CACNA1I: variants seen among roughly 807,000 people sequenced by gnomAD.
The protein encoded by CACNA1I is voltage-dependent T-type calcium channel subunit alpha-1I.
CACNA1I carries 74 observed loss-of-function variants against 201.6 expected under a neutral mutation model. The observed-to-expected ratio is 0.37, with a 90% confidence interval of 0.30 to 0.45. The LOEUF (loss-of-function observed/expected upper bound fraction) is 0.45, where lower values mean the gene tolerates loss of function less well. CACNA1I is among the 20% of genes least tolerant of loss of function. The probability of loss-of-function intolerance (pLI) is 1.00; values close to 1 mark genes in which losing one functional copy is unlikely to be tolerated. For missense variants in CACNA1I, 2,346 were observed against 3,138.1 expected, an observed-to-expected ratio of 0.75 and a Z score of 6.03; for synonymous variants, 1,431 against 1,345.2, an observed-to-expected ratio of 1.06 and a Z score of -1.40.
chr22:39,623,810 A>C (rs1413336841), intron 4 of CACNA1I, among the ~76,000 whole-genome samples: 1 of 128,130 alleles, frequency 7.8e-6, no homozygotes, highest in Non-Finnish European at 1.6e-5. Context: ...AAGGGTGTGT[A>C]CGTGTCAAGA....
intron 2 of CACNA1I, among the ~76,000 whole-genome samples, chr22:39,600,080 T>C (rs1047257626): frequency 5.3e-5 from 8 of 152,162 alleles, no homozygotes; most frequent in Non-Finnish European, 1.0e-4. Flanking sequence ...GTGGGGCAAG[T>C]TGCTTAACCT....
At position 39,648,123 on chromosome 22, in the gene CACNA1I, G is replaced by A. The variant is rs1274505846; in HGVS notation, c.1567+197G>A. The stretch of plus-strand genomic sequence containing the variant: ...TCCACGGCGGGAGTCAGCCACCCCA[G>A]GCCCTGCTCTGGAAAGCCCTGTCCT... On this transcript the variant is annotated intron_variant, in intron 9 of 36. Coordinates refer to ENST00000402142, the MANE Select transcript of CACNA1I (RefSeq NM_021096.4). The surrounding 1 kb of genome is among the most constrained non-coding windows in gnomAD (Gnocchi z 5.4). 6.6e-6 allele frequency among the ~76,000 whole-genome samples: 1 copy of A among 152,160 alleles called. No homozygotes were observed. Among genetic ancestry groups the A allele is most frequent in the African/African-American group, 2.4e-5 (1 of 41,442 alleles).
chr22:39,672,887 G>A, intron 27 of CACNA1I, 62 bp from the exon 28 acceptor site: 5 of 1,538,542 alleles, frequency 3.2e-6, no homozygotes, highest in Admixed American at 2.0e-5. Flanking sequence ...CCACTAAGGT[G>A]TGTCTGAACC....
rs66465962 is a variant in CACNA1I at position 39,686,609 on chromosome 22, CATAT to C, written c.*217_*220del. ...GTGGCCCTTCCAGTGCATATACATA[CATAT>C]ATATATATATATGCATATATATATA... On this transcript the variant is annotated 3_prime_UTR_variant, in exon 37 of 37. Transcript: ENST00000402142. 9.6e-5 allele frequency: 13 copies of C among 135,846 alleles called. No homozygotes were observed. The highest frequency in any genetic ancestry group is 2.3e-4 in the East Asian group (1 of 4,392). 8.4% of individuals were successfully genotyped at this position (135,846 alleles called of 1,614,324 possible).
intron 5 of CACNA1I, among the ~76,000 whole-genome samples, chr22:39,635,549 G>A: frequency 6.6e-6 from 1 of 152,200 alleles, no homozygotes; most frequent in East Asian, 1.9e-4. Flanking sequence ...TGAAAGTTGG[G>A]TAGGAACTGG....
chr22:39,650,056 T>A, intron 10 of CACNA1I, 131 bp downstream of exon 10: 3 of 973,096 alleles, frequency 3.1e-6, no homozygotes, highest in Middle Eastern at 5.6e-4. Context: ...CGGGCTGAGC[T>A]GGGTCCAGTT....
intron 1 of CACNA1I, among the ~76,000 whole-genome samples, chr22:39,594,057 ATGGGCAGAGACAGGCCG>A (rs1281287304): frequency 6.6e-6 from 1 of 152,130 alleles, no homozygotes; most frequent in East Asian, 1.9e-4. Flanking sequence ...GAGGAGAGCC[ATGGGCAGAGACAGGCCG>A]TACTTCACAG....
At chr22:39,680,612 G>A (rs558503171) in intron 33 of CACNA1I, among the ~76,000 whole-genome samples, 1 of 152,264 alleles carries the variant, frequency 6.6e-6, no homozygotes, top group Non-Finnish European at 1.5e-5. Context: ...CAGTCTTGAC[G>A]GGCACTTGGT....
At position 39,657,188 on chromosome 22, in the gene CACNA1I, G is replaced by A. The variant is rs374863328; in HGVS notation, c.1993-964G>A. Among the ~76,000 whole-genome samples the A allele has an allele frequency of 3.3e-5, 5 of 152,298 alleles. No homozygotes were observed. In the East Asian group the frequency reaches 5.8e-4, roughly 18 times the overall value. ...CGTGGCCTCTAGTGTGGCCTGCTTT[G>A]AACACTGGGGTTCTTTGAACAATGC... On this transcript the variant is annotated intron_variant, in intron 10 of 36. Coordinates refer to ENST00000402142, the MANE Select transcript of CACNA1I (RefSeq NM_021096.4).
At chr22:39,582,798 A>C in intron 1 of CACNA1I, among the ~76,000 whole-genome samples, 2 of 97,486 alleles carry the variant, frequency 2.1e-5, no homozygotes, top group Non-Finnish European at 4.0e-5. Flanking sequence ...TCCCCCATAC[A>C]CTCACTCACC....
Position 39,663,826 on chromosome 22 carries a change from C to T in CACNA1I, c.3582C>T (p.Ile1194=), listed in dbSNP as rs921389942. 17 of 1,613,362 alleles carry T rather than the reference C, an allele frequency of 1.1e-5. No homozygotes were observed. The highest frequency in any genetic ancestry group is 1.4e-5 in the Non-Finnish European group (16 of 1,179,688). ...CITIALERPQ[I]EAGSTERIFL... is the part of the protein sequence containing the mutation. ...CCATCGCCCTGGAGCGGCCTCAGAT[C>T]GAGGCCGGCAGCACCGTGAGTGGCT... is the stretch of plus-strand genomic sequence containing the variant. The change falls in exon 19 of 37, where the codon ATC becomes ATT. Residue 1194 remains isoleucine (I), a synonymous_variant. Coordinates refer to ENST00000402142, the MANE Select transcript of CACNA1I (RefSeq NM_021096.4).
intron 20 of CACNA1I, 120 bp downstream of exon 20, chr22:39,664,279 T>A: frequency 1.2e-6 from 1 of 806,982 alleles, no homozygotes; most frequent in Non-Finnish European, 2.0e-6. Flanking sequence ...CGTAGCCCCA[T>A]GGCCCACCCC....
intron 17 of CACNA1I, 52 bp downstream of exon 17, chr22:39,662,487 G>T: frequency 1.5e-6 from 2 of 1,299,342 alleles, no homozygotes; most frequent in South Asian, 1.6e-5. Flanking sequence ...TAGGACAGAA[G>T]TGGGTGCGGC....
intron 3 of CACNA1I, among the ~76,000 whole-genome samples, chr22:39,617,595 CA>C (rs1933581523): frequency 6.6e-6 from 1 of 152,140 alleles, no homozygotes; most frequent in African/African-American, 2.4e-5. Context: ...GCCACCCCCG[CA>C]GCCCCTCCAT....
chr22:39,595,324 A>G (rs1932868748), intron 1 of CACNA1I, among the ~76,000 whole-genome samples: 1 of 151,376 alleles, frequency 6.6e-6, no homozygotes, highest in Non-Finnish European at 1.5e-5. Context: ...TAAAAAATAA[A>G]ATAAAATAAA....
At position 39,649,477 on chromosome 22, in the gene CACNA1I, A is replaced by C; in HGVS notation, c.1568-24A>C. 6.5e-7 allele frequency: 1 copy of C among 1,546,106 alleles called. No individual in the cohort carries two copies. Among genetic ancestry groups the C allele is most frequent in the Non-Finnish European group, 8.7e-7 (1 of 1,145,676 alleles). ...TGGGCCTGGTGTGGGCAACGACTCT[A>C]TGCCCCTCTCATTTGCTTTTCAGAG... is the stretch of plus-strand genomic sequence containing the variant. On this transcript the variant is annotated intron_variant, in intron 9 of 36. Coordinates refer to ENST00000402142, the MANE Select transcript of CACNA1I (RefSeq NM_021096.4). This position sits in a 1 kb window ranked among gnomAD's most constrained non-coding sequence, Gnocchi z 7.3.
At chr22:39,577,987 A>T (rs984766430) in intron 1 of CACNA1I, among the ~76,000 whole-genome samples, 1 of 152,220 alleles carries the variant, frequency 6.6e-6, no homozygotes, top group African/African-American at 2.4e-5. Flanking sequence ...TGGGGCAAGC[A>T]TGGACAAACT....
At position 39,646,874 on chromosome 22, in the gene CACNA1I, G is replaced by A. The variant is rs1331391765; in HGVS notation, c.1455G>A (p.Arg485=). Residue 485 remains arginine, a synonymous_variant, in exon 8 of 37, where the codon CGG becomes CGA. Transcript: ENST00000402142. The part of the protein sequence containing the change: ...AKPGPHAKEP[R]HYHGKTKGQG... ...CTGGGCCCCACGCCAAGGAGCCCCG[G>A]CACTACCGTAAGTGGCCCTGCATCC... The A allele has an allele frequency of 3.3e-6, 5 of 1,501,426 alleles. No homozygotes were observed. Among genetic ancestry groups the A allele is most frequent in the African/African-American group, 1.4e-5 (1 of 70,914 alleles). The allele number at this position is 1,501,426 out of a possible 1,614,324, so 93.0% of individuals were successfully genotyped here.
At position 39,586,493 on chromosome 22, in the gene CACNA1I, AAAAT is replaced by A. The variant is rs368933585; in HGVS notation, c.237-11630_237-11627del. On this transcript the variant is annotated intron_variant, in intron 1 of 36. Coordinates refer to ENST00000402142, the MANE Select transcript of CACNA1I (RefSeq NM_021096.4). ...GGTGACAGAATTAGACTCCGTCTCT[AAAAT>A]AAATAAATAAATAAATAAATAAATA... Among the ~76,000 whole-genome samples the A allele has an allele frequency of 3.8e-4, 57 of 151,192 alleles. 1 individual carries two copies. Among genetic ancestry groups the A allele is most frequent in the African/African-American group, 1.3e-3 (54 of 40,682 alleles).
Sources: gnomAD v4.1 joint callset for allele counts (sites outside exome capture counted in the v4.1 genomes callset) on GRCh38, gnomAD v4.1.1 for gene constraint, Gnocchi (gnomAD v3.1) non-coding constraint, MANE v1.5 for transcripts, NCBI Gene and HGNC (gene_info 2026-07-23, HGNC 2026-07-21) for gene names.